Variants in CCSER2 observed in about 807,000 individuals in gnomAD.
CCSER2 encodes the protein coiled-coil serine rich protein 2.
In CCSER2, 46 loss-of-function variants were observed where a neutral mutation model predicts 92.3. The ratio of observed to expected loss-of-function variants is 0.50; its 90% CI spans 0.39 to 0.64. The LOEUF is 0.64. Among genes scored for constraint, CCSER2 ranks in the 30% least tolerant of loss-of-function variants. The probability of loss-of-function intolerance (pLI) is 0.00; values close to 1 mark genes in which losing one functional copy is unlikely to be tolerated. For missense variants in CCSER2, 1,244 were observed against 1,238.9 expected (o/e 1.00, Z -0.06); for synonymous variants, 433 against 431.4 (o/e 1.00, Z -0.04).
At chr10:84,401,515 T>C (rs1365451679) in intron 3 of CCSER2, among the ~76,000 whole-genome samples, 1 of 152,172 alleles carries the variant, frequency 6.6e-6, no homozygotes, top group East Asian at 1.9e-4. Flanking sequence ...TGAATAGCCC[T>C]ATAACCATTA....
At chr10:84,446,739 C>T (rs1313883237) in intron 6 of CCSER2, among the ~76,000 whole-genome samples, 1 of 152,182 alleles carries the variant, frequency 6.6e-6, no homozygotes, top group Non-Finnish European at 1.5e-5. Context: ...TTCCTGATTG[C>T]AGTACCTTTC....
At chr10:84,443,298 C>T (rs1231937210) in intron 6 of CCSER2, among the ~76,000 whole-genome samples, 1 of 151,546 alleles carries the variant, frequency 6.6e-6, no homozygotes, top group Non-Finnish European at 1.5e-5. Flanking sequence ...AACAGATTTA[C>T]AAGAAAAAAA....
intron 9 of CCSER2, among the ~76,000 whole-genome samples, chr10:84,489,878 C>CAGTT (rs1294077981): frequency 6.6e-6 from 1 of 152,162 alleles, no homozygotes; most frequent in Non-Finnish European, 1.5e-5. Context: ...TGGCTGGTAC[C>CAGTT]AGTTGTTCCT....
chr10:84,331,956 G>A (rs1439350992), intron 1 of CCSER2, among the ~76,000 whole-genome samples: 1 of 152,118 alleles, frequency 6.6e-6, no homozygotes, highest in African/African-American at 2.4e-5. Flanking sequence ...TGCAGATAAT[G>A]CCGTTAGTAT....
At chr10:84,443,202 G>A (rs1331841699) in intron 6 of CCSER2, among the ~76,000 whole-genome samples, 1 of 152,162 alleles carries the variant, frequency 6.6e-6, no homozygotes, top group Non-Finnish European at 1.5e-5. Flanking sequence ...CCATCAGAGT[G>A]AAGAGGCAAC....
chr10:84,457,245 T>TATATAAA (rs1564684154), intron 6 of CCSER2, among the ~76,000 whole-genome samples: 73 of 65,530 alleles, frequency 1.1e-3, no homozygotes, highest in South Asian at 4.6e-3. Context: ...TATTATATAT[T>TATATAAA]ATATATTATA....
intron 9 of CCSER2, among the ~76,000 whole-genome samples, chr10:84,488,236 A>G (rs1304412182): frequency 3.3e-5 from 5 of 152,224 alleles, no homozygotes; most frequent in Admixed American, 3.3e-4. Context: ...CTTTGGTATC[A>G]GGATGATGCT....
intron 3 of CCSER2, among the ~76,000 whole-genome samples, chr10:84,388,222 C>T (rs141172287): frequency 6.6e-6 from 1 of 152,278 alleles, no homozygotes; most frequent in Non-Finnish European, 1.5e-5. Flanking sequence ...TATCGTACAT[C>T]CTGCATCAGT....
intron 8 of CCSER2, among the ~76,000 whole-genome samples, chr10:84,475,745 C>G (rs933934270): frequency 6.6e-6 from 1 of 152,142 alleles, no homozygotes; most frequent in Admixed American, 6.5e-5. Context: ...ATTATCTTTT[C>G]TGTTCCTCAT....
intron 9 of CCSER2, among the ~76,000 whole-genome samples, chr10:84,510,665 G>A (rs1849302555): frequency 1.3e-5 from 2 of 152,306 alleles, no homozygotes; most frequent in South Asian, 4.1e-4. Context: ...ATTAACATCT[G>A]GCATTTATAT....
chr10:84,366,809 G>C (rs76744101), intron 1 of CCSER2, among the ~76,000 whole-genome samples: 1 of 152,126 alleles, frequency 6.6e-6, no homozygotes, highest in Admixed American at 6.5e-5. Context: ...GTAGAATGAC[G>C]TGATCCAGAT....
chr10:84,401,429 A>C (rs1365559658), intron 3 of CCSER2, among the ~76,000 whole-genome samples: 1 of 152,192 alleles, frequency 6.6e-6, no homozygotes, highest in East Asian at 1.9e-4. Context: ...TAAGCACATA[A>C]ATTTTTACTA....
chr10:84,338,518 C>T (rs188933789), intron 1 of CCSER2, among the ~76,000 whole-genome samples: 82 of 152,086 alleles, frequency 5.4e-4, no homozygotes, highest in Non-Finnish European at 8.5e-4. Flanking sequence ...GTCGTTGAAA[C>T]GTAAATGAAA....
intron 2 of CCSER2, among the ~76,000 whole-genome samples, chr10:84,373,245 A>G (rs921923435): frequency 6.6e-6 from 1 of 152,098 alleles, no homozygotes; most frequent in Non-Finnish European, 1.5e-5. Context: ...AATTATGAGT[A>G]CCCTACATTA....
At chr10:84,409,452 T>C (rs886937733) in intron 3 of CCSER2, among the ~76,000 whole-genome samples, 1 of 152,170 alleles carries the variant, frequency 6.6e-6, no homozygotes, top group Non-Finnish European at 1.5e-5. Flanking sequence ...AAATCTCATA[T>C]TTCTAAAAGT....
intron 9 of CCSER2, among the ~76,000 whole-genome samples, chr10:84,480,805 G>A (rs1307860835): frequency 6.6e-6 from 1 of 152,182 alleles, no homozygotes; most frequent in Non-Finnish European, 1.5e-5. Flanking sequence ...TGTGCCATCT[G>A]TCATCTCTAT....
rs757440457 is a variant in CCSER2 at position 84,516,404 on chromosome 10, A to G, written c.*2137A>G. The G allele has an allele frequency of 1.3e-5, 2 of 152,242 alleles. No individual in the cohort carries two copies. Among genetic ancestry groups the G allele is most frequent in the African/African-American group, 4.8e-5 (2 of 41,468 alleles). 9.4% of individuals were successfully genotyped at this position (152,242 alleles called of 1,614,324 possible). ...AAGCACTTTGTTATGGAGATGACCC[A>G]TGATGGCTGCAGTTGTAAGTGGGCA... On this transcript the variant is annotated 3_prime_UTR_variant, in exon 10 of 10. Coordinates refer to ENST00000372088, the MANE Select transcript of CCSER2 (RefSeq NM_001284240.2).
At chr10:84,391,663 A>G in intron 3 of CCSER2, 1 of 1,535,812 alleles carries the variant, frequency 6.5e-7, no homozygotes, top group Non-Finnish European at 9.0e-7. Context: ...GACCCAACAC[A>G]CCAAAGACAT....
At chr10:84,396,791 C>A (rs543182571) in intron 3 of CCSER2, among the ~76,000 whole-genome samples, 1 of 152,112 alleles carries the variant, frequency 6.6e-6, no homozygotes, top group Non-Finnish European at 1.5e-5. Flanking sequence ...CCCGTCTTGG[C>A]CTTCCAAAGT....
Sources: gnomAD v4.1 joint callset for allele counts (sites outside exome capture counted in the v4.1 genomes callset) on GRCh38, gnomAD v4.1.1 for gene constraint, MANE v1.5 for transcripts, NCBI Gene and HGNC (gene_info 2026-07-23, HGNC 2026-07-21) for gene names.